TSPEAR: variants seen among roughly 807,000 people sequenced by gnomAD.
The protein encoded by TSPEAR is thrombospondin type laminin G domain and EAR repeats.
In TSPEAR, 69 loss-of-function variants were observed where a neutral mutation model predicts 71.6. The observed-to-expected ratio is 0.96, with a 90% CI of 0.79 to 1.18. The LOEUF (loss-of-function observed/expected upper bound fraction) is 1.18. Among genes scored for constraint, TSPEAR ranks in the 50% most tolerant of loss-of-function variants. TSPEAR has a pLI of 0.00. For missense variants in TSPEAR, 971 were observed against 894.9 expected (o/e 1.09, Z -1.09); for synonymous variants, 402 against 387.2 (o/e 1.04, Z -0.45).
chr21:44,674,764 G>A (rs1365013718), intron 1 of TSPEAR, among the ~76,000 whole-genome samples: 1 of 147,660 alleles, frequency 6.8e-6, no homozygotes, highest in African/African-American at 2.6e-5. Flanking sequence ...GTGTGTGTGT[G>A]TGTGTGTGTG....
intron 1 of TSPEAR, among the ~76,000 whole-genome samples, chr21:44,646,210 A>AGCCCT: frequency 6.6e-6 from 1 of 151,832 alleles, no homozygotes; most frequent in Non-Finnish European, 1.5e-5. Context: ...GAAGAAACAG[A>AGCCCT]GCCCTGCGAC....
intron 8 of TSPEAR, among the ~76,000 whole-genome samples, 157 bp downstream of exon 8, chr21:44,525,496 C>G (rs1267770108): frequency 2.0e-5 from 3 of 152,172 alleles, no homozygotes; most frequent in African/African-American, 7.2e-5. Context: ...AGTAGATGTC[C>G]CTCCCCCAGA....
intron 1 of TSPEAR, chr21:44,654,107 C>T (rs879997373): frequency 6.9e-5 from 43 of 624,796 alleles, no homozygotes; most frequent in African/African-American, 6.2e-4. Context: ...TGTAGAAAGG[C>T]GCATGGCCTC....
chr21:44,518,653 C>A (rs782009699), intron 9 of TSPEAR: 4 of 470,676 alleles, frequency 8.5e-6, no homozygotes, highest in Admixed American at 4.7e-5. Flanking sequence ...TCTCAAGACC[C>A]CCTGGAGGCC....
chr21:44,557,027 G>A (rs2053543181), intron 2 of TSPEAR, among the ~76,000 whole-genome samples: 1 of 152,212 alleles, frequency 6.6e-6, no homozygotes, highest in Non-Finnish European at 1.5e-5. Context: ...GGGAGCATGT[G>A]CCTGGTGGGA....
intron 1 of TSPEAR, chr21:44,591,870 T>C (rs233305): frequency 0.082 from 121,511 of 1,481,216 alleles, 11,290 homozygotes; most frequent in African/African-American, 0.44. Flanking sequence ...AGCATGAGGG[T>C]GTGCAGGAGC....
chr21:44,600,091 G>T (rs1362091648), intron 1 of TSPEAR, among the ~76,000 whole-genome samples: 1 of 152,118 alleles, frequency 6.6e-6, no homozygotes, highest in African/African-American at 2.4e-5. Flanking sequence ...CCCTTGGGGG[G>T]ACTTTATGCA....
At chr21:44,530,666 T>C (rs1026895749) in intron 4 of TSPEAR, among the ~76,000 whole-genome samples, 1 of 152,166 alleles carries the variant, frequency 6.6e-6, no homozygotes, top group African/African-American at 2.4e-5. Flanking sequence ...TCTAGCCTCA[T>C]GGAGTGAGGT....
chr21:44,505,210 C>T (rs2052165104), intron 10 of TSPEAR, among the ~76,000 whole-genome samples: 1 of 152,082 alleles, frequency 6.6e-6, no homozygotes, highest in South Asian at 2.1e-4. Flanking sequence ...TCCCGAGTAG[C>T]TGGGATTACA....
At chr21:44,658,716 T>G (rs1433759427) in intron 1 of TSPEAR, among the ~76,000 whole-genome samples, 1 of 151,990 alleles carries the variant, frequency 6.6e-6, no homozygotes, top group Non-Finnish European at 1.5e-5. Flanking sequence ...TCCCCAAGCC[T>G]TGCACTGTGG....
In TSPEAR at chr21:44,637,448, A is replaced by C. The variant is rs782585770; in HGVS notation, c.83-69443T>G. 2.5e-6 allele frequency: 4 copies of C among 1,611,554 alleles called. No homozygotes were observed. In the African/African-American group the frequency reaches 4.0e-5, roughly 16 times the overall value. ...CGCCTCCACCATGTCCATCTGCTCC[A>C]GCGCCTGCACTGACTCTTGGCGGGT... On this transcript the variant is annotated intron_variant, in intron 1 of 11. Transcript: ENST00000323084.
intron 2 of TSPEAR, chr21:44,551,588 C>T: frequency 7.5e-7 from 1 of 1,335,968 alleles, no homozygotes; most frequent in South Asian, 1.4e-5. Context: ...CTGTGTTTTC[C>T]CAGCAGGAGA....
chr21:44,573,654 C>G (rs1978293714), intron 1 of TSPEAR: 2 of 1,538,364 alleles, frequency 1.3e-6, no homozygotes, highest in Admixed American at 3.8e-5. Flanking sequence ...ACAACATGCA[C>G]CAAGGAGGAG....
intron 1 of TSPEAR, among the ~76,000 whole-genome samples, chr21:44,639,591 A>G (rs1243979979): frequency 6.6e-6 from 1 of 152,078 alleles, no homozygotes; most frequent in Non-Finnish European, 1.5e-5. Flanking sequence ...GCCTCCAGGG[A>G]CAGAGATGTT....
chr21:44,504,310 C>G (rs1228366791), intron 11 of TSPEAR, among the ~76,000 whole-genome samples: 1 of 138,804 alleles, frequency 7.2e-6, no homozygotes, highest in Non-Finnish European at 1.5e-5. Flanking sequence ...TCGGTGAGCC[C>G]TTAGGGGGAA....
chr21:44,585,760 T>C (rs150121325), intron 1 of TSPEAR, among the ~76,000 whole-genome samples: 68 of 152,324 alleles, frequency 4.5e-4, no homozygotes, highest in Non-Finnish European at 8.7e-4. Context: ...TCTCTTCTTG[T>C]TTCATGGAGT....
chr21:44,677,682 G>A, intron 1 of TSPEAR: 1 of 1,409,932 alleles, frequency 7.1e-7, no homozygotes, highest in Non-Finnish European at 1.0e-6. Flanking sequence ...TGAAGCTGGA[G>A]TATCTCCCTT....
intron 1 of TSPEAR, among the ~76,000 whole-genome samples, chr21:44,609,644 C>G (rs782740091): frequency 6.6e-6 from 1 of 152,172 alleles, no homozygotes; most frequent in Non-Finnish European, 1.5e-5. Context: ...ATTTGAACCT[C>G]TTGAGTGGAG....
rs151034282 is a variant in TSPEAR, at chr21:44,530,788, G to A, written c.633+255C>T. 3.4e-4 allele frequency among the ~76,000 whole-genome samples: 51 copies of A among 152,230 alleles called. 1 individual carries two copies. The highest frequency in any genetic ancestry group is 9.2e-4 in the African/African-American group (38 of 41,460). On this transcript the variant is annotated intron_variant, in intron 4 of 11. Coordinates refer to ENST00000323084, the MANE Select transcript of TSPEAR (RefSeq NM_144991.3). ...TCCGGGGAAGGGGCTGCAGGGCAGA[G>A]TGTGGGCATCAGCTCAGCATGGTGG...
Sources: allele counts gnomAD v4.1 joint callset (sites outside exome capture counted in the v4.1 genomes callset), GRCh38; gene constraint gnomAD v4.1.1; transcripts MANE v1.5; gene names NCBI Gene and HGNC (gene_info 2026-07-23, HGNC 2026-07-21).